SREK1IP1: variants seen among roughly 807,000 people sequenced by gnomAD.
The protein encoded by SREK1IP1 is protein SREK1IP1.
SREK1IP1 carries 12 observed loss-of-function variants against 22.8 expected under a neutral mutation model. The ratio of observed to expected loss-of-function variants is 0.53; its 90% CI spans 0.34 to 0.85. SREK1IP1 has a LOEUF of 0.85. Ranked by LOEUF, SREK1IP1 falls within the 40% of genes least tolerant of loss-of-function variation. The probability of loss-of-function intolerance (pLI) is 0.02; values close to 1 mark genes in which losing one functional copy is unlikely to be tolerated. For missense variants in SREK1IP1, 147 were observed against 171.8 expected (o/e 0.86, Z 0.81); for synonymous variants, 53 against 52.7 (o/e 1.01, Z -0.02).
At chr5:64,741,261 G>GT in intron 2 of SREK1IP1, 61 bp from the exon 3 acceptor site, 1 of 1,505,212 alleles carries the variant, frequency 6.6e-7, no homozygotes, top group South Asian at 1.2e-5. Flanking sequence ...ATGTATTTTT[G>GT]TATGTTTTGC....
chr5:64,722,101 AATATC>A lies in SREK1IP1; in HGVS notation c.*2278_*2282del, dbSNP rs1742172639. 6.6e-6 allele frequency: 1 copy of A among 152,212 alleles called. No individual in the cohort carries two copies. The highest frequency in any genetic ancestry group is 1.5e-5 in the Non-Finnish European group (1 of 68,038). 9.4% of individuals were successfully genotyped at this position (152,212 alleles called of 1,614,324 possible). On this transcript the variant is annotated 3_prime_UTR_variant, in exon 5 of 5. Transcript: ENST00000513458. ...GAGATTTGCATCCAATCTCAATAAT[AATATC>A]ATATTAGAAGAAAATTACTTCAGTG...
At chr5:64,746,979 T>C (rs897643990) in intron 2 of SREK1IP1, among the ~76,000 whole-genome samples, 1 of 152,178 alleles carries the variant, frequency 6.6e-6, no homozygotes, top group Non-Finnish European at 1.5e-5. Flanking sequence ...TTACTTACTA[T>C]TACCTGTTTA....
intron 3 of SREK1IP1, among the ~76,000 whole-genome samples, chr5:64,738,954 A>G (rs564004187): frequency 6.6e-6 from 1 of 152,210 alleles, no homozygotes; most frequent in African/African-American, 2.4e-5. Context: ...CACATCTATT[A>G]GCTTTCAGGA....
chr5:64,736,815 A>G (rs1043417354), intron 3 of SREK1IP1, among the ~76,000 whole-genome samples: 7 of 108,722 alleles, frequency 6.4e-5, no homozygotes, highest in Non-Finnish European at 2.5e-5. Flanking sequence ...TATCATTAGG[A>G]AAAAAAACCT....
chr5:64,764,970 C>T (rs931232235), intron 1 of SREK1IP1: 1 of 152,136 alleles, frequency 6.6e-6, no homozygotes, highest in South Asian at 2.1e-4. Flanking sequence ...AGAAAAATTC[C>T]CTACCTTGGC....
chr5:64,727,162 A>G (rs1742281562), intron 4 of SREK1IP1, among the ~76,000 whole-genome samples: 1 of 152,112 alleles, frequency 6.6e-6, no homozygotes, highest in South Asian at 2.1e-4. Context: ...TATAAAAACT[A>G]CAAAGTGGCA....
chr5:64,768,458 C>CAGA, intron 1 of SREK1IP1, 47 bp downstream of exon 1: 12 of 1,613,802 alleles, frequency 7.4e-6, no homozygotes, highest in Non-Finnish European at 1.0e-5. Context: ...CCCTCCCTTG[C>CAGA]GCTCCCTTCG....
At chr5:64,764,328 A>G (rs370776188) in intron 1 of SREK1IP1, among the ~76,000 whole-genome samples, 3 of 152,208 alleles carry the variant, frequency 2.0e-5, no homozygotes, top group African/African-American at 7.2e-5. Flanking sequence ...ACAGAGCTCT[A>G]TTTAATAAGC....
At chr5:64,726,610 C>T (rs1373568063) in intron 4 of SREK1IP1, among the ~76,000 whole-genome samples, 3 of 150,796 alleles carry the variant, frequency 2.0e-5, no homozygotes, top group East Asian at 3.9e-4. Context: ...TACAGATGTA[C>T]TTCAACTTAT....
intron 1 of SREK1IP1, among the ~76,000 whole-genome samples, chr5:64,765,566 T>C (rs1743019753): frequency 6.6e-6 from 1 of 152,232 alleles, no homozygotes; most frequent in Non-Finnish European, 1.5e-5. Flanking sequence ...TCTGTATCTG[T>C]ATTTTCTAAT....
chr5:64,756,516 T>C (rs1742844344), intron 1 of SREK1IP1, among the ~76,000 whole-genome samples: 1 of 152,260 alleles, frequency 6.6e-6, no homozygotes, highest in African/African-American at 2.4e-5. Context: ...TATGGCTGAA[T>C]AATATTCCAT....
chr5:64,768,147 T>C (rs952182521), intron 1 of SREK1IP1, among the ~76,000 whole-genome samples: 3 of 152,020 alleles, frequency 2.0e-5, no homozygotes, highest in African/African-American at 7.3e-5. Flanking sequence ...GTCGGCCAAG[T>C]GTTCCCACTT....
At chr5:64,747,122 A>G (rs929323071) in intron 2 of SREK1IP1, among the ~76,000 whole-genome samples, 2 of 152,192 alleles carry the variant, frequency 1.3e-5, no homozygotes, top group African/African-American at 2.4e-5. Context: ...CTGTGTGTTC[A>G]CAAACCCAGC....
At chr5:64,727,542 TATATATATATA>T (rs1196630281) in intron 4 of SREK1IP1, 5 of 124,502 alleles carry the variant, frequency 4.0e-5, no homozygotes, top group African/African-American at 2.3e-4. Flanking sequence ...TATATATATA[TATATATATATA>T]TTTTTTTTTT....
chr5:64,728,108 T>C lies in SREK1IP1; in HGVS notation c.277A>G (p.Arg93Gly). 1 of 1,387,238 alleles carries C rather than the reference T, an allele frequency of 7.2e-7. No homozygotes were observed. The highest frequency in any genetic ancestry group is 9.4e-7 in the Non-Finnish European group (1 of 1,062,328). The allele number at this position is 1,387,238 out of a possible 1,614,324, so 85.9% of individuals were successfully genotyped here. The change falls in exon 4 of 5, where the codon AGG becomes GGG. Residue 93 changes from arginine to glycine, a missense_variant and splice_region_variant. Transcript: ENST00000513458. ...EKIKLKKKRK[R>G]SYSSSSTEED... ...TTTAAAATGTTGTTCAAAAAATACC[T>C]TTTCCTTTTTTTTTTCAATTTGATT...
At chr5:64,759,405 T>C (rs1211439435) in intron 1 of SREK1IP1, among the ~76,000 whole-genome samples, 1 of 152,186 alleles carries the variant, frequency 6.6e-6, no homozygotes, top group Non-Finnish European at 1.5e-5. Context: ...TTGGCTCCAT[T>C]CCTTTTTGAA....
chr5:64,726,275 T>G (rs1015832086), intron 4 of SREK1IP1, among the ~76,000 whole-genome samples: 8 of 152,006 alleles, frequency 5.3e-5, no homozygotes, highest in Non-Finnish European at 1.5e-5. Context: ...TAATTTCAGG[T>G]TTGTGATGCT....
chr5:64,760,407 G>GC lies in SREK1IP1; in HGVS notation c.14-6046_14-6045insG, dbSNP rs200347489. Reference sequence around the variant, plus strand: ...ATAAGACAGCTGGGCACAAAGGGAGGTGGGGGGAAAGTCTCTTGAGCAACT... The same window carrying GC: ...ATAAGACAGCTGGGCACAAAGGGAGGCTGGGGGGAAAGTCTCTTGAGCAACT... On this transcript the variant is annotated intron_variant, in intron 1 of 4. Transcript: ENST00000513458. 6.4e-3 allele frequency among the ~76,000 whole-genome samples: 968 copies of GC among 152,290 alleles called. 8 individuals carry two copies. The highest frequency in any genetic ancestry group is 0.023 in the African/African-American group (943 of 41,546).
intron 1 of SREK1IP1, among the ~76,000 whole-genome samples, chr5:64,759,132 T>C (rs767467142): frequency 6.6e-6 from 1 of 152,228 alleles, no homozygotes; most frequent in African/African-American, 2.4e-5. Context: ...TTTGGGCTTG[T>C]GCAGGATCTT....
Sources: allele counts gnomAD v4.1 joint callset (sites outside exome capture counted in the v4.1 genomes callset), GRCh38; gene constraint gnomAD v4.1.1; transcripts MANE v1.5; gene names NCBI Gene and HGNC (gene_info 2026-07-23, HGNC 2026-07-21).